The following CLPP variants were observed in gnomAD, a reference collection of about 807,000 sequenced individuals.
CLPP encodes the protein caseinolytic mitochondrial matrix peptidase proteolytic subunit, also known as ATP-dependent Clp protease proteolytic subunit, mitochondrial.
A neutral mutation model predicts 27.4 loss-of-function variants in CLPP; 14 were observed. The ratio of observed to expected loss-of-function variants is 0.51; its 90% CI spans 0.34 to 0.80. The LOEUF (loss-of-function observed/expected upper bound fraction) is 0.80, where lower values mean the gene tolerates loss of function less well. Among genes scored for constraint, CLPP ranks in the 30% least tolerant of loss-of-function variants. CLPP has a pLI of 0.02. For missense variants in CLPP, 361 were observed against 403.6 expected, an observed-to-expected ratio of 0.89 and a Z score of 0.90; for synonymous variants, 193 against 166.6, an observed-to-expected ratio of 1.16 and a Z score of -1.22.
chr19:6,366,692 G>A (rs1362793506), intron 5 of CLPP, among the ~76,000 whole-genome samples: 1 of 152,056 alleles, frequency 6.6e-6, no homozygotes, highest in Non-Finnish European at 1.5e-5. Context: ...AGGCTGGAAT[G>A]CAGTGGCATG....
In CLPP at chr19:6,368,609, C is replaced by T. The variant is rs768550640; in HGVS notation, c.733C>T (p.Leu245=). ...GGAGTTTGGCATCTTAGACAAGGTT[C>T]TGGTCCACCCTCCCCAGGACGGTGA... ...AQEFGILDKV[L]VHPPQDGEDE... The change falls in exon 6 of 6, where the codon CTG becomes TTG. Residue 245 remains leucine (L), a synonymous_variant. Transcript: ENST00000245816. The T allele has an allele frequency of 6.2e-7, 1 of 1,613,560 alleles. No individual in the cohort carries two copies. The highest frequency in any genetic ancestry group is 8.5e-7 in the Non-Finnish European group (1 of 1,179,816).
intron 5 of CLPP, among the ~76,000 whole-genome samples, chr19:6,367,933 A>G (rs933673240): frequency 3.9e-5 from 6 of 152,038 alleles, no homozygotes; most frequent in East Asian, 1.9e-4. Context: ...TTGAAGGCCA[A>G]TGGTGAAACA....
chr19:6,361,647 G>C lies in CLPP; in HGVS notation c.73G>C (p.Ala25Pro). The C allele has an allele frequency of 7.0e-7, 1 of 1,424,038 alleles. No homozygotes were observed. The allele number at this position is 1,424,038 out of a possible 1,614,324, so 88.2% of individuals were successfully genotyped here. The change falls in exon 1 of 6, where the codon GCC (alanine) becomes CCC (proline). Residue 25 changes from alanine (A) to proline (P), a missense_variant. Physicochemically the swap from Ala to Pro is conservative, Grantham distance 27. Coordinates refer to ENST00000245816, the MANE Select transcript of CLPP (RefSeq NM_006012.4). ...GTACCCCGCGCTGGGGCCTCGCCTC[G>C]CCGCTCACTTTCCAGCGCAGCGGCC... ...CRYPALGPRLAAHFPAQRPPQ... is the reference protein window; with the variant it reads ...CRYPALGPRLPAHFPAQRPPQ...
intron 5 of CLPP, 48 bp downstream of exon 5, chr19:6,366,411 G>T (rs755116056): frequency 6.9e-7 from 1 of 1,445,090 alleles, no homozygotes; most frequent in Non-Finnish European, 9.6e-7. Flanking sequence ...AGACGGACCA[G>T]GCGTTGCTCT....
intron 4 of CLPP, chr19:6,364,918 G>T: frequency 6.1e-6 from 2 of 326,826 alleles, no homozygotes; most frequent in South Asian, 7.5e-5. Flanking sequence ...TGGAGACGGG[G>T]TTTCACCATG....
At chr19:6,367,143 G>A (rs2091866462) in intron 5 of CLPP, among the ~76,000 whole-genome samples, 1 of 151,924 alleles carries the variant, frequency 6.6e-6, no homozygotes, top group Non-Finnish European at 1.5e-5. Flanking sequence ...TTGGGAGGCC[G>A]AGGTGGGCGG....
intron 2 of CLPP, 173 bp downstream of exon 2, chr19:6,362,113 ACC>A: frequency 6.2e-6 from 3 of 481,154 alleles, no homozygotes; most frequent in Non-Finnish European, 1.0e-5. Context: ...CCCGCTCCTC[ACC>A]CCTTCTCTGC....
At position 6,361,557 on chromosome 19, in the gene CLPP, ACCG is replaced by A. The variant is rs1348793587; in HGVS notation, c.-17_-15del. On this transcript the variant is annotated 5_prime_UTR_variant, in exon 1 of 6. Coordinates refer to ENST00000245816, the MANE Select transcript of CLPP (RefSeq NM_006012.4). ...TAGTTCCGCCATCGGACGGAAGCCG[ACCG>A]GGGCGTGCGGAGGGATGTGGCCCGG... The A allele has an allele frequency of 2.4e-5, 33 of 1,390,084 alleles. No homozygotes were observed. The Admixed American group carries it at 7.4e-4, about 31-fold the overall frequency. The allele number at this position is 1,390,084 out of a possible 1,614,324, so 86.1% of individuals were successfully genotyped here. A position where few individuals can be genotyped will look rare whatever the true frequency, so the allele number is the denominator to read the frequency against.
chr19:6,368,121 AG>A (rs1471367155), intron 5 of CLPP, among the ~76,000 whole-genome samples: 1 of 152,208 alleles, frequency 6.6e-6, no homozygotes, highest in Non-Finnish European at 1.5e-5. Context: ...GACATGTCTC[AG>A]TCAGCTTGAG....
intron 5 of CLPP, 32 bp from the exon 6 acceptor site, chr19:6,368,506 C>G (rs201482441): frequency 1.9e-6 from 3 of 1,613,084 alleles, no homozygotes; most frequent in Admixed American, 1.7e-5. Context: ...TGCTCTTACC[C>G]TAATGTGTCT....
At position 6,361,856 on chromosome 19, in the gene CLPP, T is replaced by C; in HGVS notation, c.199-13T>C. 6.3e-7 allele frequency: 1 copy of C among 1,595,886 alleles called. No homozygotes were observed. The highest frequency in any genetic ancestry group is 8.5e-7 in the Non-Finnish European group (1 of 1,178,270). ...GCTGCCCCGGCCCCTCACCTCCATC[T>C]TTCTACCCCCAGGGTCGCGGCGAGC... On this transcript the variant is annotated splice_polypyrimidine_tract_variant and intron_variant, in intron 1 of 5. Coordinates refer to ENST00000245816, the MANE Select transcript of CLPP (RefSeq NM_006012.4).
At chr19:6,367,848 G>A (rs942847592) in intron 5 of CLPP, among the ~76,000 whole-genome samples, 2 of 151,650 alleles carry the variant, frequency 1.3e-5, no homozygotes, top group Non-Finnish European at 2.9e-5. Flanking sequence ...GATTACAGGC[G>A]TGTGCCACCA....
rs575230353 is a variant in CLPP at position 6,369,282 on chromosome 19, G to A, written c.*572G>A. Among the ~76,000 whole-genome samples the A allele has an allele frequency of 5.3e-5, 8 of 152,194 alleles. No individual in the cohort carries two copies. Among genetic ancestry groups the A allele is most frequent in the Admixed American group, 2.6e-4 (4 of 15,266 alleles). The stretch of plus-strand genomic sequence containing the variant: ...CTAAAAATACAAAAATTAGCCGAGC[G>A]TGGTGCACCTGTAATCCCAGCTACT... On this transcript the variant is annotated 3_prime_UTR_variant, in exon 6 of 6. Transcript: ENST00000245816.
At chr19:6,367,114 C>G (rs2091866265) in intron 5 of CLPP, among the ~76,000 whole-genome samples, 1 of 151,994 alleles carries the variant, frequency 6.6e-6, no homozygotes, top group Non-Finnish European at 1.5e-5. Flanking sequence ...CCATGGCTCA[C>G]GCCTGTAGTA....
At chr19:6,363,074 C>T (rs1320773366) in intron 3 of CLPP, among the ~76,000 whole-genome samples, 1 of 151,626 alleles carries the variant, frequency 6.6e-6, no homozygotes, top group Non-Finnish European at 1.5e-5. Context: ...AGATTTTTTC[C>T]CCCTCCCCAA....
chr19:6,362,267 A>T (rs566205828), intron 2 of CLPP, 179 bp from the exon 3 acceptor site: 1 of 568,670 alleles, frequency 1.8e-6, no homozygotes, highest in African/African-American at 2.0e-5. Context: ...CTGTGCTCCA[A>T]ACCCCCTGGG....
Position 6,366,362 on chromosome 19 carries a change from C to T in CLPP, c.660C>T (p.Ile220=), listed in dbSNP as rs116642585. 21 of 1,604,386 alleles carry T rather than the reference C, an allele frequency of 1.3e-5. No individual in the cohort carries two copies. In the East Asian group the frequency reaches 2.7e-4, roughly 20 times the overall value. ...AKHTKQSLQV[I]ESAMERDRYM... is the part of the protein sequence containing the mutation. ...ACACCAAACAGAGCCTGCAGGTGAT[C>T]GGTAAGCACCCTCCTTTATTTCATC... The change falls in exon 5 of 6, where the codon ATC becomes ATT. Residue 220 remains isoleucine (I), a splice_region_variant and synonymous_variant. Transcript: ENST00000245816.
intron 5 of CLPP, among the ~76,000 whole-genome samples, chr19:6,367,247 C>T (rs1346770588): frequency 1.3e-5 from 2 of 151,848 alleles, no homozygotes; most frequent in African/African-American, 2.4e-5. Context: ...TGTTGGCACA[C>T]GCCTGTAATC....
chr19:6,365,964 CAAAA>C (rs1389939203), intron 4 of CLPP, among the ~76,000 whole-genome samples: 6 of 148,550 alleles, frequency 4.0e-5, no homozygotes, highest in Non-Finnish European at 7.4e-5. Context: ...AAAAAAAAAA[CAAAA>C]AACAAACAAA....
Sources: gnomAD v4.1 joint callset for allele counts (sites outside exome capture counted in the v4.1 genomes callset) on GRCh38, gnomAD v4.1.1 for gene constraint, MANE v1.5 for transcripts, NCBI Gene and HGNC (gene_info 2026-07-23, HGNC 2026-07-21) for gene names.